The following PLCL1 variants were observed in gnomAD, a reference collection of about 807,000 sequenced individuals.
PLCL1 encodes the protein phospholipase C like 1 (inactive), also known as inactive phospholipase C-like protein 1.
In PLCL1, 41 loss-of-function variants were observed where a neutral mutation model predicts 84.4. That is an observed-to-expected ratio of 0.49 (90% CI 0.38 to 0.63). The LOEUF (loss-of-function observed/expected upper bound fraction) is 0.63. Ranked by LOEUF, PLCL1 falls within the 30% of genes least tolerant of loss-of-function variation. PLCL1 has a pLI of 0.00. For synonymous variants in PLCL1, 490 were observed against 488.3 expected (o/e 1.00, Z -0.05); for missense variants, 1,206 against 1,367.8 (o/e 0.88, Z 1.87).
At chr2:198,044,223 C>T (rs1020072557) in intron 1 of PLCL1, among the ~76,000 whole-genome samples, 4 of 152,204 alleles carry the variant, frequency 2.6e-5, no homozygotes, top group African/African-American at 9.6e-5. Flanking sequence ...ATATATTCCC[C>T]TTCCACACAT....
chr2:197,976,074 T>C (rs1170394080), intron 1 of PLCL1, among the ~76,000 whole-genome samples: 1 of 152,186 alleles, frequency 6.6e-6, no homozygotes, highest in East Asian at 1.9e-4. Flanking sequence ...TTGGCCTTAT[T>C]CTAAATTACA....
intron 1 of PLCL1, among the ~76,000 whole-genome samples, chr2:197,985,350 G>A (rs1574984394): frequency 1.3e-5 from 2 of 152,112 alleles, no homozygotes; most frequent in East Asian, 3.8e-4. Context: ...ATTATACTTG[G>A]AATCCTTTTT....
chr2:198,014,891 G>T (rs1299177106), intron 1 of PLCL1, among the ~76,000 whole-genome samples: 1 of 152,004 alleles, frequency 6.6e-6, no homozygotes, highest in Non-Finnish European at 1.5e-5. Flanking sequence ...TTCTGAAAAC[G>T]TAGGCTTATT....
chr2:197,895,166 T>C (rs140780693), intron 1 of PLCL1, among the ~76,000 whole-genome samples: 143 of 152,080 alleles, frequency 9.4e-4, no homozygotes, highest in African/African-American at 3.3e-3. Flanking sequence ...AAGTTATCAC[T>C]TTGGAGAGAG....
chr2:197,895,832 C>G, intron 1 of PLCL1, among the ~76,000 whole-genome samples: 1 of 151,904 alleles, frequency 6.6e-6, no homozygotes, highest in East Asian at 1.9e-4. Flanking sequence ...GAATGGAACA[C>G]ATCAGTGAAG....
At chr2:198,056,553 A>C (rs911129688) in intron 1 of PLCL1, among the ~76,000 whole-genome samples, 1 of 152,184 alleles carries the variant, frequency 6.6e-6, no homozygotes, top group Non-Finnish European at 1.5e-5. Context: ...CAGTTTCCTC[A>C]TCTGCAAAAT....
intron 1 of PLCL1, among the ~76,000 whole-genome samples, chr2:198,066,708 C>G (rs1201404578): frequency 6.6e-6 from 1 of 151,968 alleles, no homozygotes; most frequent in Admixed American, 6.6e-5. Flanking sequence ...CATTTCATTT[C>G]CTCCCTCCTC....
In PLCL1 at chr2:197,888,371, G is replaced by A. The variant is rs140126551; in HGVS notation, c.240+83032G>A. Reference sequence around the variant, plus strand: ...ATTGTTATGGTGTTTATGAGCAACCGTCTACATTAAATTAGGTGAAAGTGG... The same window carrying A: ...ATTGTTATGGTGTTTATGAGCAACCATCTACATTAAATTAGGTGAAAGTGG... On this transcript the variant is annotated intron_variant, in intron 1 of 5. Coordinates refer to ENST00000428675, the MANE Select transcript of PLCL1 (RefSeq NM_006226.4). 2.2e-3 allele frequency among the ~76,000 whole-genome samples: 334 copies of A among 152,168 alleles called. 3 individuals are homozygous for A. The highest frequency in any genetic ancestry group is 7.5e-3 in the African/African-American group (311 of 41,496).
chr2:197,923,490 C>A (rs967448354), intron 1 of PLCL1, among the ~76,000 whole-genome samples: 4 of 145,754 alleles, frequency 2.7e-5, no homozygotes, highest in African/African-American at 7.6e-5. Flanking sequence ...GGGTCTCGGC[C>A]GGGCAGAGGC....
At chr2:197,808,726 G>A (rs575285938) in intron 1 of PLCL1, among the ~76,000 whole-genome samples, 1 of 152,176 alleles carries the variant, frequency 6.6e-6, no homozygotes, top group Non-Finnish European at 1.5e-5. Flanking sequence ...TTTGGAAATA[G>A]GAAGCAGCAT....
chr2:198,082,095 G>T (rs1015030877), intron 1 of PLCL1, among the ~76,000 whole-genome samples: 1 of 152,130 alleles, frequency 6.6e-6, no homozygotes, highest in Non-Finnish European at 1.5e-5. Context: ...GGTGTAAAAG[G>T]CAATGCTCCT....
At chr2:197,876,727 G>C (rs1040309061) in intron 1 of PLCL1, among the ~76,000 whole-genome samples, 1 of 151,988 alleles carries the variant, frequency 6.6e-6, no homozygotes, top group Non-Finnish European at 1.5e-5. Context: ...CTAAAGTGCT[G>C]AGCTGTTAGA....
At chr2:197,863,115 T>C (rs1342054187) in intron 1 of PLCL1, among the ~76,000 whole-genome samples, 2 of 151,916 alleles carry the variant, frequency 1.3e-5, no homozygotes, top group African/African-American at 4.8e-5. Context: ...GGAACTCTGC[T>C]GGGTAAATAT....
At chr2:198,015,062 G>A (rs927151961) in intron 1 of PLCL1, among the ~76,000 whole-genome samples, 2 of 151,774 alleles carry the variant, frequency 1.3e-5, no homozygotes, top group South Asian at 2.1e-4. Flanking sequence ...TTACATGTTC[G>A]GCGTTTCAGT....
intron 1 of PLCL1, among the ~76,000 whole-genome samples, chr2:197,896,306 C>T (rs1344406512): frequency 6.6e-6 from 1 of 151,878 alleles, no homozygotes; most frequent in Admixed American, 6.6e-5. Context: ...AAACAGTTTT[C>T]ATTATGTGAC....
chr2:197,969,253 A>G (rs1689810284), intron 1 of PLCL1, among the ~76,000 whole-genome samples: 1 of 152,230 alleles, frequency 6.6e-6, no homozygotes, highest in Non-Finnish European at 1.5e-5. Flanking sequence ...GACAATTTAC[A>G]CAAAATCACC....
intron 1 of PLCL1, among the ~76,000 whole-genome samples, chr2:197,852,400 G>T (rs963938988): frequency 1.3e-5 from 2 of 152,116 alleles, no homozygotes; most frequent in African/African-American, 4.8e-5. Flanking sequence ...TTATCTGTTT[G>T]CTACAGCTTG....
At position 197,929,601 on chromosome 2, in the gene PLCL1, G is replaced by A. The variant is rs1688896116; in HGVS notation, c.240+124262G>A. Among the ~76,000 whole-genome samples, 3 of 152,174 alleles carry A rather than the reference G, an allele frequency of 2.0e-5. No homozygotes were observed. In the South Asian group the frequency reaches 6.2e-4, roughly 31 times the overall value. The stretch of plus-strand genomic sequence containing the variant: ...AGAAGGTTAGGTAGAAGGGATATGA[G>A]TGATTAAGATATATTTTATAGGAAT... On this transcript the variant is annotated intron_variant, in intron 1 of 5. Coordinates refer to ENST00000428675, the MANE Select transcript of PLCL1 (RefSeq NM_006226.4).
chr2:197,968,793 C>T (rs1689799166), intron 1 of PLCL1, among the ~76,000 whole-genome samples: 1 of 152,180 alleles, frequency 6.6e-6, no homozygotes, highest in Non-Finnish European at 1.5e-5. Flanking sequence ...GAACATAGTG[C>T]AGGTATTAGT....
Sources: gnomAD v4.1 joint callset for allele counts (sites outside exome capture counted in the v4.1 genomes callset) on GRCh38, gnomAD v4.1.1 for gene constraint, MANE v1.5 for transcripts, NCBI Gene and HGNC (gene_info 2026-07-23, HGNC 2026-07-21) for gene names.